The following RBFOX1 variants were observed in gnomAD, a reference collection of about 807,000 sequenced individuals.
The protein encoded by RBFOX1 is RNA binding protein fox-1 homolog 1.
RBFOX1 carries 8 observed loss-of-function variants against 57.7 expected under a neutral mutation model. The ratio of observed to expected loss-of-function variants is 0.14; its 90% CI spans 0.08 to 0.25. The LOEUF (loss-of-function observed/expected upper bound fraction) is 0.25. RBFOX1 is among the 10% of genes least tolerant of loss of function. RBFOX1 has a pLI of 1.00. For missense variants in RBFOX1, 611 were observed against 548.5 expected (o/e 1.11, Z -1.14); for synonymous variants, 326 against 222.4 (o/e 1.47, Z -4.15).
chr16:5,935,328 C>T lies in RBFOX1; in HGVS notation c.351+67993C>T, dbSNP rs535504433. Among the ~76,000 whole-genome samples, 177 of 152,294 alleles carry T rather than the reference C, an allele frequency of 1.2e-3. 1 individual carries two copies. Among genetic ancestry groups the T allele is most frequent in the Middle Eastern group, 3.4e-3 (1 of 294 alleles). On this transcript the variant is annotated intron_variant, in intron 4 of 19. Coordinates refer to the RBFOX1 transcript ENST00000641259. The stretch of plus-strand genomic sequence containing the variant: ...TGCCACATGGGGCCACATGGGGACA[C>T]ACGAGGATCCATCCTGCGTGTGGCA...
At chr16:6,404,659 G>C (rs975157792) in intron 2 of RBFOX1, among the ~76,000 whole-genome samples, 8 of 152,096 alleles carry the variant, frequency 5.3e-5, no homozygotes, top group African/African-American at 1.7e-4. Flanking sequence ...CATCCCTTCA[G>C]TGCTAGAACA....
intron 10 of RBFOX1, among the ~76,000 whole-genome samples, chr16:7,620,454 G>A (rs568074281): frequency 6.6e-6 from 1 of 152,264 alleles, no homozygotes; most frequent in South Asian, 2.1e-4. Context: ...TTTCTCCTCT[G>A]CATTTGCCTC....
chr16:7,448,782 C>T (rs982687680), intron 4 of RBFOX1, among the ~76,000 whole-genome samples: 1 of 152,166 alleles, frequency 6.6e-6, no homozygotes, highest in African/African-American at 2.4e-5. Flanking sequence ...CTATGTTTGT[C>T]TGTCTTCACC....
intron 2 of RBFOX1, among the ~76,000 whole-genome samples, chr16:6,604,709 C>T (rs12444128): frequency 0.059 from 9,016 of 152,144 alleles, 335 homozygotes; most frequent in African/African-American, 0.092. Context: ...TGCACACACA[C>T]GTATAATTGT....
chr16:6,063,160 C>A (rs2095710467), intron 1 of RBFOX1, among the ~76,000 whole-genome samples: 1 of 151,964 alleles, frequency 6.6e-6, no homozygotes, highest in Admixed American at 6.6e-5. Context: ...ATACGCTGAC[C>A]ATCCCAGCAT....
At chr16:6,670,814 G>A (rs897254600) in intron 3 of RBFOX1, among the ~76,000 whole-genome samples, 11 of 151,968 alleles carry the variant, frequency 7.2e-5, no homozygotes, top group African/African-American at 2.7e-4. Flanking sequence ...TAGCTAACAC[G>A]GTGAAACCCT....
chr16:7,529,744 C>T (rs1485909884), intron 5 of RBFOX1, among the ~76,000 whole-genome samples: 1 of 152,102 alleles, frequency 6.6e-6, no homozygotes, highest in Non-Finnish European at 1.5e-5. Flanking sequence ...CATGGTAGCT[C>T]ACGCATGTAA....
chr16:7,051,383 T>C (rs1003582554), intron 3 of RBFOX1, among the ~76,000 whole-genome samples: 21 of 152,380 alleles, frequency 1.4e-4, no homozygotes, highest in Non-Finnish European at 2.6e-4. Context: ...GAAGCGTCCT[T>C]GGACATTAAG....
intron 4 of RBFOX1, among the ~76,000 whole-genome samples, chr16:5,995,585 C>G (rs920525804): frequency 6.6e-6 from 1 of 152,212 alleles, no homozygotes. Flanking sequence ...GCTGTGAGGA[C>G]TTAGCTGTAG....
At chr16:5,657,641 T>A (rs1282786639) in intron 3 of RBFOX1, among the ~76,000 whole-genome samples, 1 of 142,424 alleles carries the variant, frequency 7.0e-6, no homozygotes, top group Non-Finnish European at 1.5e-5. Context: ...TCTTTCTTTC[T>A]TTCTTTCTTT....
rs1466088388 is a variant in RBFOX1, at chr16:6,759,487, G to C, written c.-16+104837G>C. On this transcript the variant is annotated intron_variant, in intron 3 of 15. Transcript: ENST00000550418. ...ATGTCAGTTGTCTGTGTGTGTGTGT[G>C]TGTGTGTGTGTGTGTGTGTGTGTGT... Among the ~76,000 whole-genome samples the C allele has an allele frequency of 2.6e-3, 302 of 115,004 alleles. 1 individual carries two copies. Among genetic ancestry groups the C allele is most frequent in the Non-Finnish European group, 3.8e-3 (197 of 52,284 alleles). The allele number at this position is 115,004 out of a possible 152,430, so 75.4% of individuals were successfully genotyped here.
intron 4 of RBFOX1, among the ~76,000 whole-genome samples, chr16:7,174,547 G>C (rs2081293639): frequency 6.6e-6 from 1 of 152,194 alleles, no homozygotes; most frequent in African/African-American, 2.4e-5. Flanking sequence ...TTGGGAGGCA[G>C]AGGCAGGCCA....
At chr16:6,625,696 C>G (rs2098295837) in intron 2 of RBFOX1, among the ~76,000 whole-genome samples, 1 of 152,082 alleles carries the variant, frequency 6.6e-6, no homozygotes, top group Non-Finnish European at 1.5e-5. Context: ...GTATCTCTTC[C>G]AATTAATGTA....
chr16:6,024,777 C>A (rs1232050568), intron 1 of RBFOX1, among the ~76,000 whole-genome samples: 1 of 152,258 alleles, frequency 6.6e-6, no homozygotes, highest in Non-Finnish European at 1.5e-5. Context: ...AGCCACCACG[C>A]CCAGCCTCAT....
chr16:7,250,519 TTTAG>T (rs1431303108), intron 4 of RBFOX1, among the ~76,000 whole-genome samples: 1 of 152,220 alleles, frequency 6.6e-6, no homozygotes, highest in Non-Finnish European at 1.5e-5. Flanking sequence ...TTGTCTCTGC[TTTAG>T]TTAGTTTTTA....
At chr16:6,010,830 C>T (rs2094957057) in intron 4 of RBFOX1, among the ~76,000 whole-genome samples, 1 of 152,174 alleles carries the variant, frequency 6.6e-6, no homozygotes, top group Non-Finnish European at 1.5e-5. Context: ...TCCTAAAAGA[C>T]ATTCCCAGGG....
chr16:6,906,098 C>T (rs959207399), intron 3 of RBFOX1, among the ~76,000 whole-genome samples: 2 of 141,986 alleles, frequency 1.4e-5, no homozygotes, highest in Non-Finnish European at 3.0e-5. Context: ...GAACGCTTTG[C>T]TTTATCATTA....
At chr16:6,010,125 C>T (rs913131304) in intron 4 of RBFOX1, among the ~76,000 whole-genome samples, 4 of 152,016 alleles carry the variant, frequency 2.6e-5, no homozygotes, top group African/African-American at 7.3e-5. Context: ...GCTGTGTTGC[C>T]CCACACCTCG....
At chr16:5,657,676 T>TTTTCTTTC (rs199946037) in intron 3 of RBFOX1, among the ~76,000 whole-genome samples, 112 of 64,892 alleles carry the variant, frequency 1.7e-3, no homozygotes, top group East Asian at 7.4e-3. Flanking sequence ...CTTTCTTTTC[T>TTTTCTTTC]TTTCTTTCTT....
Sources: allele counts gnomAD v4.1 joint callset (sites outside exome capture counted in the v4.1 genomes callset), GRCh38; gene constraint gnomAD v4.1.1; transcripts MANE v1.5; gene names NCBI Gene and HGNC (gene_info 2026-07-23, HGNC 2026-07-21).